Variants in DORIP1 observed in about 807,000 individuals in gnomAD.
DORIP1 encodes dopamine receptor-interacting protein 1.
chr14:44,906,736 T>C, the DORIP1 span: 1 of 152,614 alleles, frequency 6.6e-6, no homozygotes, highest in Admixed American at 6.5e-5. Flanking sequence ...TTAGTTGCAA[T>C]ATATTTAGAA....
chr14:44,904,772 A>G, the DORIP1 span: 7 of 338,336 alleles, frequency 2.1e-5, no homozygotes, highest in Non-Finnish European at 3.6e-5. Context: ...CCCATCTTTT[A>G]TAAGTTAACC....
chr14:44,900,447 G>C, the DORIP1 span: 1 of 1,527,738 alleles, frequency 6.5e-7, no homozygotes, highest in Non-Finnish European at 8.7e-7. Context: ...TGAAGACACT[G>C]TTTGAAGAGA....
At chr14:44,898,600 CTG>C in the DORIP1 span, among the ~76,000 whole-genome samples, 226 of 152,278 alleles carry the variant, frequency 1.5e-3, 1 homozygote, top group African/African-American at 5.2e-3. Flanking sequence ...GAATGCATAA[CTG>C]TTTTTTAAAA....
At chr14:44,900,470 T>C in the DORIP1 span, 1 of 1,551,408 alleles carries the variant, frequency 6.4e-7, no homozygotes, top group Non-Finnish European at 8.6e-7. Flanking sequence ...AAAGCATCAA[T>C]TAAAAATAAC....
At chr14:44,904,244 T>C in the DORIP1 span, 1 of 1,355,098 alleles carries the variant, frequency 7.4e-7, no homozygotes, top group Non-Finnish European at 9.5e-7. Context: ...TGATATAAGG[T>C]AGTAATTACC....
At chr14:44,902,499 T>C in the DORIP1 span, among the ~76,000 whole-genome samples, 4 of 152,036 alleles carry the variant, frequency 2.6e-5, no homozygotes, top group Non-Finnish European at 4.4e-5. Context: ...CGGCTAATTT[T>C]TGTATTTTTT....
the DORIP1 span, among the ~76,000 whole-genome samples, chr14:44,898,168 A>G: frequency 6.6e-6 from 1 of 152,204 alleles, no homozygotes; most frequent in African/African-American, 2.4e-5. Context: ...GTTCCTAGCT[A>G]AACAGCTAAG....
At chr14:44,900,786 A>G in the DORIP1 span, 2 of 1,614,056 alleles carry the variant, frequency 1.2e-6, no homozygotes, top group East Asian at 4.5e-5. Context: ...AAAAACAGCA[A>G]TACAAATCTG....
chr14:44,905,742 A>G, the DORIP1 span: 2 of 359,424 alleles, frequency 5.6e-6, no homozygotes, highest in East Asian at 4.2e-5. Flanking sequence ...TAATTTTTTT[A>G]TATTTCCTGA....
the DORIP1 span, chr14:44,906,278 T>C: frequency 7.9e-5 from 12 of 152,204 alleles, no homozygotes; most frequent in African/African-American, 2.9e-4. Flanking sequence ...GTTTATCTTA[T>C]AATTAAATGT....
the DORIP1 span, chr14:44,905,751 G>C: frequency 2.9e-6 from 1 of 343,230 alleles, no homozygotes; most frequent in Non-Finnish European, 5.2e-6. Flanking sequence ...TATATTTCCT[G>C]AGTTATTTTT....
chr14:44,899,585 CAT>C, the DORIP1 span, among the ~76,000 whole-genome samples: 2 of 150,276 alleles, frequency 1.3e-5, no homozygotes, highest in Admixed American at 6.6e-5. Flanking sequence ...TTTTTTTTTA[CAT>C]AGTTTTTCTC....
At chr14:44,898,596 A>C in the DORIP1 span, among the ~76,000 whole-genome samples, 4 of 152,218 alleles carry the variant, frequency 2.6e-5, no homozygotes, top group Non-Finnish European at 5.9e-5. Flanking sequence ...ATTTGAATGC[A>C]TAACTGTTTT....
chr14:44,905,477 T>C, the DORIP1 span: 14 of 1,567,022 alleles, frequency 8.9e-6, no homozygotes, highest in African/African-American at 1.3e-5. Context: ...AATGTGAATT[T>C]AATTTTGTTA....
the DORIP1 span, chr14:44,899,088 ATATGATGTTGTTAGTT>A: frequency 6.6e-6 from 1 of 152,238 alleles, no homozygotes; most frequent in Non-Finnish European, 1.5e-5. Flanking sequence ...TCGGAAAACA[ATATGATGTTGTTAGTT>A]TATTTGCTTG....
chr14:44,897,590 G>C, the DORIP1 span: 1 of 165,836 alleles, frequency 6.0e-6, no homozygotes, highest in African/African-American at 2.4e-5. Flanking sequence ...TTGCTTCCTG[G>C]TGGACGGAGA....
At chr14:44,901,730 G>T in the DORIP1 span, among the ~76,000 whole-genome samples, 17 of 152,300 alleles carry the variant, frequency 1.1e-4, no homozygotes, top group Middle Eastern at 6.8e-3. Flanking sequence ...TTATGGCCAA[G>T]ACATAATTAT....
chr14:44,899,183 C>CTAAA, the DORIP1 span: 3 of 152,144 alleles, frequency 2.0e-5, no homozygotes, highest in Admixed American at 6.5e-5. Flanking sequence ...AAAGTATGTG[C>CTAAA]GCTATATAAC....
the DORIP1 span, chr14:44,903,196 AATT>A: frequency 6.3e-6 from 10 of 1,581,066 alleles, no homozygotes; most frequent in Non-Finnish European, 8.7e-6. Context: ...TGCATTTAAT[AATT>A]ATTATAGTCC....
Sources: allele counts gnomAD v4.1 joint callset (sites outside exome capture counted in the v4.1 genomes callset), GRCh38; gene constraint gnomAD v4.1.1; transcripts MANE v1.5; gene names NCBI Gene and HGNC (gene_info 2026-07-23, HGNC 2026-07-21).